Variants in ARHGEF25 observed in about 807,000 individuals in gnomAD.
ARHGEF25 encodes the protein RAC/CDC42 exchange factor.
Under a neutral mutation model 74.0 loss-of-function variants are expected in ARHGEF25, and 42 were observed. The ratio of observed to expected loss-of-function variants is 0.57; its 90% CI spans 0.44 to 0.73. ARHGEF25 has a LOEUF of 0.73. Among genes scored for constraint, ARHGEF25 ranks in the 30% least tolerant of loss-of-function variants. The pLI, the probability that ARHGEF25 is intolerant of heterozygous loss-of-function variation, is 0.00. For missense variants in ARHGEF25, 645 were observed against 725.5 expected (o/e 0.89, Z 1.27); for synonymous variants, 293 against 278.6 (o/e 1.05, Z -0.51).
Position 57,614,300 on chromosome 12 carries a change from T to C in ARHGEF25, c.657-31T>C. 6 of 1,613,194 alleles carry C rather than the reference T, an allele frequency of 3.7e-6. No individual in the cohort carries two copies. Among genetic ancestry groups the C allele is most frequent in the Non-Finnish European group, 5.1e-6 (6 of 1,179,168 alleles). On this transcript the variant is annotated intron_variant, in intron 6 of 14. Transcript: ENST00000286494. This position sits in a 1 kb window ranked among gnomAD's most constrained non-coding sequence, Gnocchi z 4.6. The stretch of plus-strand genomic sequence containing the variant: ...CGAGGTGGGGGTTGTGAAATGTATT[T>C]GACCTGCTGCTTCTCTACCAACCCC...
In ARHGEF25 at chr12:57,614,351, A is replaced by G. The variant is rs150532634; in HGVS notation, c.677A>G (p.Gln226Arg). 5.6e-6 allele frequency: 9 copies of G among 1,614,028 alleles called. No homozygotes were observed. Among genetic ancestry groups the G allele is most frequent in the South Asian group, 1.1e-5 (1 of 91,086 alleles). Reference sequence around the variant, plus strand: ...TCCAGCTATTTCTTGCAAGAGCTACAACGGTGTCTGAAAGATCCTGATTGG... The same window carrying G: ...TCCAGCTATTTCTTGCAAGAGCTACGACGGTGTCTGAAAGATCCTGATTGG... ...WHRDYFLQEL[Q>R]RCLKDPDWLA... The change falls in exon 7 of 15, where the codon CAA (glutamine) becomes CGA (arginine). Residue 226 changes from glutamine to arginine, a missense_variant. Coordinates refer to ENST00000286494, the MANE Select transcript of ARHGEF25 (RefSeq NM_182947.4). This position sits in a 1 kb window ranked among gnomAD's most constrained non-coding sequence, Gnocchi z 4.6.
chr12:57,610,242 C>A, upstream of ARHGEF25: 17 of 1,601,724 alleles, frequency 1.1e-5, no homozygotes, highest in Non-Finnish European at 1.4e-5. Flanking sequence ...CGCCCCGCCC[C>A]TGGCCGCACT....
chr12:57,614,811 G>A lies in ARHGEF25; in HGVS notation c.909+30G>A. ...GGACCCCCTTTTTCCTGGGGGCACAGCTGGCTGGCACAGCTGTTTCCTCAT... is the reference window on the plus strand; with the variant it reads ...GGACCCCCTTTTTCCTGGGGGCACAACTGGCTGGCACAGCTGTTTCCTCAT... On this transcript the variant is annotated intron_variant, in intron 9 of 14. Coordinates refer to ENST00000286494, the MANE Select transcript of ARHGEF25 (RefSeq NM_182947.4). The surrounding 1 kb of genome is among the most constrained non-coding windows in gnomAD (Gnocchi z 4.6). 1 of 1,590,842 alleles carries A rather than the reference G, an allele frequency of 6.3e-7. No homozygotes were observed. The highest frequency in any genetic ancestry group is 1.1e-5 in the South Asian group (1 of 88,462).
In ARHGEF25 at chr12:57,616,800, C is replaced by G. The variant is rs774472264; in HGVS notation, c.1649C>G (p.Pro550Arg). The change falls in exon 15 of 15, where the codon CCC (proline) becomes CGC (arginine). Residue 550 changes from proline to arginine, a missense_variant. Physicochemically the swap from Pro to Arg is moderately radical, Grantham distance 103 (BLOSUM62 -2). Around this residue, in one of 3 missense-constraint regions of ARHGEF25, gnomAD observed 262 missense variants for 256.9 expected, o/e 1.02. Coordinates refer to ENST00000286494, the MANE Select transcript of ARHGEF25 (RefSeq NM_182947.4). Reference protein sequence around the residue: ...PLDKQALGDIPQAPHDSPPVS... With the variant: ...PLDKQALGDIRQAPHDSPPVS... ...TTTCTTCAGGCCCTTGGTGACATCCCCCAGGCTCCCCATGACTCTCCTCCA... is the reference window on the plus strand; with the variant it reads ...TTTCTTCAGGCCCTTGGTGACATCCGCCAGGCTCCCCATGACTCTCCTCCA... The G allele has an allele frequency of 1.2e-6, 2 of 1,611,232 alleles. No homozygotes were observed. Among genetic ancestry groups the G allele is most frequent in the Non-Finnish European group, 8.5e-7 (1 of 1,178,380 alleles).
Position 57,616,974 on chromosome 12 carries a change from C to T in ARHGEF25, c.*80C>T. ...TCAGGGCAGTCCTTCTGGCACTGCT[C>T]CAGAATTCCTCCTTCTTGGTGTGTC... On this transcript the variant is annotated 3_prime_UTR_variant, in exon 15 of 15. Transcript: ENST00000286494. The T allele has an allele frequency of 3.7e-6, 4 of 1,095,744 alleles. No individual in the cohort carries two copies. The highest frequency in any genetic ancestry group is 5.5e-6 in the Non-Finnish European group (4 of 727,526). 67.9% of individuals were successfully genotyped at this position (1,095,744 alleles called of 1,614,324 possible). A position where few individuals can be genotyped will look rare whatever the true frequency, so the allele number is the denominator to read the frequency against.
At chr12:57,613,625 G>A (rs1166073889) in intron 4 of ARHGEF25, 69 bp from the exon 5 acceptor site, 1 of 1,609,978 alleles carries the variant, frequency 6.2e-7, no homozygotes, top group African/African-American at 1.3e-5. Context: ...AGGGGAGGAG[G>A]GAGGAACGGG....
In ARHGEF25 at chr12:57,615,242, T is replaced by G; in HGVS notation, c.966T>G (p.Ala322=). Reference sequence around the variant, plus strand: ...CTCCCTCACCTGTGTCCCAGCAAGCTGTGGAGGTCATGTGCTTTGTGCCCA... The same window carrying G: ...CTCCCTCACCTGTGTCCCAGCAAGCGGTGGAGGTCATGTGCTTTGTGCCCA... ...AGMDTADLEQ[A]VEVMCFVPKR... The change falls in exon 11 of 15, where the codon GCT becomes GCG. Residue 322 remains alanine, a synonymous_variant. Transcript: ENST00000286494. 1 of 1,598,120 alleles carries G rather than the reference T, an allele frequency of 6.3e-7. No individual in the cohort carries two copies. Among genetic ancestry groups the G allele is most frequent in the Non-Finnish European group, 8.5e-7 (1 of 1,173,082 alleles).
intron 4 of ARHGEF25, 47 bp from the exon 5 acceptor site, chr12:57,613,647 A>T (rs1194038422): frequency 6.2e-7 from 1 of 1,612,404 alleles, no homozygotes; most frequent in African/African-American, 1.3e-5. Context: ...TGAACCAAGG[A>T]TGAGCTCCGA....
chr12:57,616,613 C>A, intron 14 of ARHGEF25, 118 bp downstream of exon 14: 1 of 1,056,990 alleles, frequency 9.5e-7, no homozygotes. Context: ...TTCCTACTTC[C>A]CATCCCTTAC....
chr12:57,610,805 C>G, upstream of ARHGEF25: 1 of 750,746 alleles, frequency 1.3e-6, no homozygotes, highest in Non-Finnish European at 2.0e-6. Flanking sequence ...CCCATTTAAT[C>G]GCAGAGACCT....
rs1884040401 is a variant in ARHGEF25 at position 57,611,508 on chromosome 12, C to G, written c.-387C>G. 1 of 986,406 alleles carries G rather than the reference C, an allele frequency of 1.0e-6. No homozygotes were observed. Among genetic ancestry groups the G allele is most frequent in the African/African-American group, 1.7e-5 (1 of 57,286 alleles). The allele number at this position is 986,406 out of a possible 1,614,324, so 61.1% of individuals were successfully genotyped here. A position where few individuals can be genotyped will look rare whatever the true frequency, so the allele number is the denominator to read the frequency against. On this transcript the variant is annotated 5_prime_UTR_variant, in exon 1 of 15. Coordinates refer to ENST00000286494, the MANE Select transcript of ARHGEF25 (RefSeq NM_182947.4). This position sits in a 1 kb window ranked among gnomAD's most constrained non-coding sequence, Gnocchi z 4.5. ...GGTCGGCCCTCGCCTCCTCCCCGGC[C>G]CGGGCCTAGAGCCACCCCTAACCAG...
At chr12:57,610,921 C>G (rs1884013040), upstream of ARHGEF25, among the ~76,000 whole-genome samples, 1 of 152,214 alleles carries the variant, frequency 6.6e-6, no homozygotes, top group Admixed American at 6.5e-5. Context: ...CTCGCCAGCC[C>G]GGGCTCCAGG....
chr12:57,614,680 T>C lies in ARHGEF25; in HGVS notation c.817-9T>C. The C allele has an allele frequency of 6.2e-7, 1 of 1,613,692 alleles. No homozygotes were observed. Among genetic ancestry groups the C allele is most frequent in the Non-Finnish European group, 8.5e-7 (1 of 1,179,910 alleles). ...CCAGGCTGCATAACCACCCTGTCCC[T>C]GTCCCCAGGAGCTCCGGCAGCAGCT... On this transcript the variant is annotated splice_polypyrimidine_tract_variant and intron_variant, in intron 8 of 14. Transcript: ENST00000286494. This position sits in a 1 kb window ranked among gnomAD's most constrained non-coding sequence, Gnocchi z 4.6.
In ARHGEF25 at chr12:57,616,878, A is replaced by T. The variant is rs1187106449; in HGVS notation, c.1727A>T (p.Asp576Val). The T allele has an allele frequency of 6.2e-7, 1 of 1,613,926 alleles. No individual in the cohort carries two copies. Among genetic ancestry groups the T allele is most frequent in the Admixed American group, 1.7e-5 (1 of 60,024 alleles). The part of the protein sequence containing the change: ...PPCQARLAKL[D>V]EDEL ...TGCCAAGCCAGACTTGCCAAGCTGG[A>T]TGAAGATGAGCTGTAACTGGTGAAA... The change falls in exon 15 of 15, where the codon GAT (aspartate) becomes GTT (valine). Residue 576 changes from aspartate (D) to valine (V), a missense_variant. Physicochemically the swap from Asp to Val is radical, Grantham distance 152. Transcript: ENST00000286494.
In ARHGEF25 at chr12:57,616,870, C is replaced by T. The variant is rs1884320133; in HGVS notation, c.1719C>T (p.Ala573=). Residue 573 remains alanine (A), a synonymous_variant, in exon 15 of 15, where the codon GCC becomes GCT. Coordinates refer to ENST00000286494, the MANE Select transcript of ARHGEF25 (RefSeq NM_182947.4). ...CCCCTCCCTGCCAAGCCAGACTTGC[C>T]AAGCTGGATGAAGATGAGCTGTAAC... is the stretch of plus-strand genomic sequence containing the variant. ...PKTPPCQARL[A]KLDEDEL The T allele has an allele frequency of 6.2e-7, 1 of 1,613,940 alleles. No homozygotes were observed. Among genetic ancestry groups the T allele is most frequent in the African/African-American group, 1.3e-5 (1 of 74,914 alleles).
In ARHGEF25 at chr12:57,611,684, T is replaced by C; in HGVS notation, c.-211T>C. The C allele has an allele frequency of 2.9e-6, 3 of 1,051,244 alleles. No individual in the cohort carries two copies. Among genetic ancestry groups the C allele is most frequent in the Non-Finnish European group, 3.5e-6 (3 of 865,348 alleles). The allele number at this position is 1,051,244 out of a possible 1,614,324, so 65.1% of individuals were successfully genotyped here. A position where few individuals can be genotyped will look rare whatever the true frequency, so the allele number is the denominator to read the frequency against. ...CAGCCCGGCGGCCGGGCCCCGCGCC[T>C]CTCTCTCTCTAGAGCCCCCAGCCCT... On this transcript the variant is annotated 5_prime_UTR_variant, in exon 1 of 15. Transcript: ENST00000286494. This position sits in a 1 kb window ranked among gnomAD's most constrained non-coding sequence, Gnocchi z 4.5.
upstream of ARHGEF25, chr12:57,610,531 T>C (rs753984852): frequency 3.3e-5 from 51 of 1,549,936 alleles, no homozygotes; most frequent in Non-Finnish European, 4.4e-5. Context: ...CAGGGCTGCC[T>C]AGGAGGGCAG....
intron 1 of ARHGEF25, 138 bp downstream of exon 1, chr12:57,612,129 C>G: frequency 1.6e-6 from 1 of 606,132 alleles, no homozygotes; most frequent in Non-Finnish European, 2.4e-6. Flanking sequence ...TAAGTGATCC[C>G]TAAGGTCCCT....
chr12:57,614,295 GTAT>G lies in ARHGEF25; in HGVS notation c.657-34_657-32del. On this transcript the variant is annotated intron_variant, in intron 6 of 14. Coordinates refer to ENST00000286494, the MANE Select transcript of ARHGEF25 (RefSeq NM_182947.4). The surrounding 1 kb of genome is among the most constrained non-coding windows in gnomAD (Gnocchi z 4.6). The stretch of plus-strand genomic sequence containing the variant: ...GTGGGCGAGGTGGGGGTTGTGAAAT[GTAT>G]TTGACCTGCTGCTTCTCTACCAACC... 6.2e-7 allele frequency: 1 copy of G among 1,612,354 alleles called. No individual in the cohort carries two copies. The highest frequency in any genetic ancestry group is 8.5e-7 in the Non-Finnish European group (1 of 1,178,396).
Sources: gnomAD v4.1 joint callset for allele counts (sites outside exome capture counted in the v4.1 genomes callset) on GRCh38, gnomAD v4.1.1 for gene constraint, gnomAD v4.1.1 regional missense constraint, Gnocchi (gnomAD v3.1) non-coding constraint, MANE v1.5 for transcripts, NCBI Gene and HGNC (gene_info 2026-07-23, HGNC 2026-07-21) for gene names.